Variants in FNBP1 observed in about 807,000 individuals in gnomAD.
FNBP1 encodes the protein formin binding protein 1.
A neutral mutation model predicts 90.6 loss-of-function variants in FNBP1; 26 were observed. The ratio of observed to expected loss-of-function variants is 0.29; its 90% CI spans 0.21 to 0.40. The LOEUF (loss-of-function observed/expected upper bound fraction) is 0.40. Among genes scored for constraint, FNBP1 ranks in the 10% least tolerant of loss-of-function variants. The pLI is 1.00. For missense variants in FNBP1, 635 were observed against 768.0 expected, an observed-to-expected ratio of 0.83 and a Z score of 2.05; for synonymous variants, 260 against 265.2, an observed-to-expected ratio of 0.98 and a Z score of 0.19.
chr9:129,958,380 C>T (rs1013116369), intron 5 of FNBP1, 111 bp downstream of exon 5: 20 of 747,338 alleles, frequency 2.7e-5, no homozygotes, highest in Non-Finnish European at 4.0e-5. Flanking sequence ...TACAGTGAGC[C>T]GAGATCGCAC....
chr9:129,973,186 C>T (rs1355119109), intron 4 of FNBP1, among the ~76,000 whole-genome samples: 1 of 152,180 alleles, frequency 6.6e-6, no homozygotes, highest in East Asian at 1.9e-4. Flanking sequence ...TGTGGCCTCT[C>T]CCTGTCTTTT....
chr9:129,969,790 G>A (rs925498475), intron 4 of FNBP1, among the ~76,000 whole-genome samples: 1 of 151,052 alleles, frequency 6.6e-6, no homozygotes. Flanking sequence ...AAACAAAAAC[G>A]TATACTTTTT....
intron 11 of FNBP1, among the ~76,000 whole-genome samples, chr9:129,911,805 G>A (rs1199221285): frequency 6.6e-6 from 1 of 151,788 alleles, no homozygotes; most frequent in Non-Finnish European, 1.5e-5. Flanking sequence ...GGTAGCACCC[G>A]CCTGTAGTTC....
the FNBP1 span, among the ~76,000 whole-genome samples, chr9:130,050,660 T>C: frequency 6.7e-6 from 1 of 149,654 alleles, no homozygotes; most frequent in Non-Finnish European, 1.5e-5. Flanking sequence ...TTTTTTTTTT[T>C]TATTTGACAG....
intron 6 of FNBP1, among the ~76,000 whole-genome samples, chr9:129,930,291 T>C (rs2042545698): frequency 6.6e-6 from 1 of 151,992 alleles, no homozygotes. Context: ...TTGAACTCCT[T>C]GACTCAAGCA....
intron 2 of FNBP1, among the ~76,000 whole-genome samples, chr9:129,984,415 G>A (rs748242414): frequency 2.6e-5 from 4 of 152,138 alleles, no homozygotes; most frequent in East Asian, 1.9e-4. Flanking sequence ...AGGGAAATAC[G>A]TCCACAAACC....
At chr9:130,006,130 A>G (rs748849070) in intron 1 of FNBP1, among the ~76,000 whole-genome samples, 11 of 152,160 alleles carry the variant, frequency 7.2e-5, no homozygotes, top group Non-Finnish European at 1.5e-4. Context: ...TTAAAATGCA[A>G]TTCTAGAACT....
intron 1 of FNBP1, among the ~76,000 whole-genome samples, chr9:130,034,801 TG>T (rs905690250): frequency 1.3e-5 from 2 of 152,122 alleles, no homozygotes; most frequent in Non-Finnish European, 2.9e-5. Context: ...ACTGCAGTGA[TG>T]GGGAAATATG....
intron 11 of FNBP1, among the ~76,000 whole-genome samples, chr9:129,913,230 A>G (rs1465163006): frequency 1.3e-5 from 2 of 151,838 alleles, no homozygotes; most frequent in Non-Finnish European, 1.5e-5. Context: ...AAAACAAAAA[A>G]CTCAATAGCT....
intron 16 of FNBP1, chr9:129,895,379 TTATTA>T (rs2035544103): frequency 1.9e-6 from 2 of 1,079,780 alleles, no homozygotes; most frequent in South Asian, 9.1e-5. Context: ...ACAGTTCAGT[TTATTA>T]AGTTACAATC....
chr9:130,039,899 G>T (rs889401308), intron 1 of FNBP1, among the ~76,000 whole-genome samples: 4 of 152,054 alleles, frequency 2.6e-5, no homozygotes, highest in Non-Finnish European at 4.4e-5. Context: ...TATTTGTGAA[G>T]GTCCCTGAAA....
chr9:129,951,403 C>T (rs1383275106), intron 6 of FNBP1, among the ~76,000 whole-genome samples: 1 of 150,036 alleles, frequency 6.7e-6, no homozygotes, highest in Non-Finnish European at 1.5e-5. Context: ...TGACTTGTAC[C>T]TTCTTATATA....
intron 15 of FNBP1, among the ~76,000 whole-genome samples, chr9:129,896,786 C>T (rs925604660): frequency 6.6e-6 from 1 of 152,150 alleles, no homozygotes; most frequent in Non-Finnish European, 1.5e-5. Context: ...CATGTGCCAC[C>T]ACGCCCGGCT....
At chr9:129,968,252 A>C (rs1242546073) in intron 4 of FNBP1, among the ~76,000 whole-genome samples, 2 of 151,796 alleles carry the variant, frequency 1.3e-5, no homozygotes, top group East Asian at 3.9e-4. Context: ...AAAATTAGCT[A>C]GGTGTGGTGG....
At chr9:129,942,266 G>A (rs2044438459) in intron 6 of FNBP1, among the ~76,000 whole-genome samples, 1 of 152,196 alleles carries the variant, frequency 6.6e-6, no homozygotes, top group Non-Finnish European at 1.5e-5. Context: ...CCAGGAAGAA[G>A]GAAATTTAAC....
At chr9:129,985,265 C>T (rs567038725) in intron 2 of FNBP1, among the ~76,000 whole-genome samples, 1 of 150,554 alleles carries the variant, frequency 6.6e-6, no homozygotes, top group African/African-American at 2.4e-5. Flanking sequence ...ACTGGTGCGG[C>T]TCACGTTAGA....
chr9:130,019,789 G>A (rs986616937), intron 1 of FNBP1, among the ~76,000 whole-genome samples: 6 of 151,760 alleles, frequency 4.0e-5, no homozygotes, highest in Admixed American at 6.6e-5. Context: ...ACGGAGTCTC[G>A]CTTCATCACC....
At chr9:129,943,136 G>A (rs1355298810) in intron 6 of FNBP1, among the ~76,000 whole-genome samples, 3 of 152,030 alleles carry the variant, frequency 2.0e-5, no homozygotes, top group Admixed American at 6.6e-5. Context: ...TACCTCAGTG[G>A]CGCTTTCTCT....
At position 130,037,019 on chromosome 9, in the gene FNBP1, T is replaced by C. The variant is rs551957036; in HGVS notation, c.24+5933A>G. ...GAAATCACGCCACTGCACTCCAGCCTGGGCAACCCAGCGAGACTCCATCTC... is the reference window on the plus strand; with the variant it reads ...GAAATCACGCCACTGCACTCCAGCCCGGGCAACCCAGCGAGACTCCATCTC... On this transcript the variant is annotated intron_variant, in intron 1 of 16. Transcript: ENST00000446176. Among the ~76,000 whole-genome samples the C allele has an allele frequency of 1.7e-3, 237 of 142,178 alleles. 1 individual carries two copies. Among genetic ancestry groups the C allele is most frequent in the African/African-American group, 6.1e-3 (233 of 38,056 alleles). The allele number at this position is 142,178 out of a possible 152,430, so 93.3% of individuals were successfully genotyped here.
Sources: gnomAD v4.1 joint callset for allele counts (sites outside exome capture counted in the v4.1 genomes callset) on GRCh38, gnomAD v4.1.1 for gene constraint, MANE v1.5 for transcripts, NCBI Gene and HGNC (gene_info 2026-07-23, HGNC 2026-07-21) for gene names.